The following RBFOX3 variants were observed in gnomAD, a reference collection of about 807,000 sequenced individuals.
The protein encoded by RBFOX3 is RNA binding protein fox-1 homolog 3.
In RBFOX3, 17 loss-of-function variants were observed where a neutral mutation model predicts 48.7. That is an observed-to-expected ratio of 0.35 (90% CI 0.24 to 0.52). The LOEUF (loss-of-function observed/expected upper bound fraction) is 0.52. Ranked by LOEUF, RBFOX3 falls within the 20% of genes least tolerant of loss-of-function variation. RBFOX3 has a pLI of 0.94. For synonymous variants in RBFOX3, 212 were observed against 209.5 expected, an observed-to-expected ratio of 1.01 and a Z score of -0.10; for missense variants, 382 against 497.5, an observed-to-expected ratio of 0.77 and a Z score of 2.21.
chr17:79,557,773 T>C (rs2091891775), intron 1 of RBFOX3, among the ~76,000 whole-genome samples: 1 of 152,100 alleles, frequency 6.6e-6, no homozygotes, highest in South Asian at 2.1e-4. Context: ...GGCGGGGGCA[T>C]CTCGTGGGAG....
chr17:79,100,537 T>A (rs1420085717), intron 9 of RBFOX3: 2 of 152,010 alleles, frequency 1.3e-5, no homozygotes, highest in Admixed American at 6.6e-5. Context: ...GATCGGGCGG[T>A]CCTGTCCAGG....
rs1004170730 is a variant in RBFOX3 at position 79,163,320 on chromosome 17, T to C, written c.-33-47572A>G. 3.3e-5 allele frequency among the ~76,000 whole-genome samples: 5 copies of C among 152,238 alleles called. No individual in the cohort carries two copies. In the South Asian group the frequency reaches 1.0e-3, roughly 32 times the overall value. On this transcript the variant is annotated intron_variant, in intron 4 of 14. Transcript: ENST00000693108. ...CAGGCCCGGGGCCTCACGGCCTCAG[T>C]GTTCTGAGGGTGTCAAGAGGGGAGG...
chr17:79,322,705 G>C (rs574195775), intron 2 of RBFOX3, among the ~76,000 whole-genome samples: 1 of 152,270 alleles, frequency 6.6e-6, no homozygotes, highest in African/African-American at 2.4e-5. Context: ...CAGCTTCTAG[G>C]GGTCTGGGAA....
rs144807059 is a variant in RBFOX3, at chr17:79,148,498, AC to A, written c.-33-32751del. On this transcript the variant is annotated intron_variant, in intron 4 of 14. Transcript: ENST00000693108. ...ACAGGAGGAGGGAGAAGCACCCCAC[AC>A]CCCCCCAGACCATGGTTCCAATCCT... Among the ~76,000 whole-genome samples the A allele has an allele frequency of 3.3e-5, 5 of 150,222 alleles. No homozygotes were observed. In the East Asian group the frequency reaches 5.9e-4, roughly 18 times the overall value.
At chr17:79,400,814 G>C (rs2062702862) in intron 2 of RBFOX3, among the ~76,000 whole-genome samples, 2 of 152,160 alleles carry the variant, frequency 1.3e-5, no homozygotes, top group African/African-American at 4.8e-5. Flanking sequence ...GAGGGTCTCT[G>C]CATCAGTCAG....
intron 2 of RBFOX3, among the ~76,000 whole-genome samples, chr17:79,430,825 G>A (rs1407676071): frequency 6.6e-6 from 1 of 152,154 alleles, no homozygotes; most frequent in African/African-American, 2.4e-5. Flanking sequence ...GATTACAGGC[G>A]TGAGCCACCA....
intron 1 of RBFOX3, among the ~76,000 whole-genome samples, chr17:79,577,907 C>T (rs1177938660): frequency 2.0e-5 from 3 of 152,236 alleles, no homozygotes; most frequent in Non-Finnish European, 4.4e-5. Flanking sequence ...GAGGGTGGCT[C>T]TGAACCACTG....
chr17:79,097,178 C>T (rs578180117), intron 11 of RBFOX3, 114 bp downstream of exon 11: 25 of 884,174 alleles, frequency 2.8e-5, no homozygotes, highest in Middle Eastern at 3.6e-4. Context: ...GATCCTCCCC[C>T]CCCCCAGGTC....
Position 79,166,746 on chromosome 17 carries a change from G to T in RBFOX3, c.-33-50998C>A, listed in dbSNP as rs528727011. 4.9e-4 allele frequency among the ~76,000 whole-genome samples: 74 copies of T among 152,320 alleles called. 1 individual carries two copies. Among genetic ancestry groups the T allele is most frequent in the African/African-American group, 1.7e-3 (69 of 41,576 alleles). On this transcript the variant is annotated intron_variant, in intron 4 of 14. Coordinates refer to ENST00000693108, the MANE Select transcript of RBFOX3 (RefSeq NM_001350451.2). ...GGGCTGGCCCCAGCCAGGTCAGAGT[G>T]CGGATGCCAGGCTGGGCTCAGTGGG...
intron 4 of RBFOX3, among the ~76,000 whole-genome samples, chr17:79,137,633 G>A (rs1870622): frequency 0.28 from 43,022 of 152,100 alleles, 7,123 homozygotes; most frequent in East Asian, 0.76. Context: ...AGCTGCTGGC[G>A]CCTGGCCTGG....
intron 5 of RBFOX3, among the ~76,000 whole-genome samples, chr17:79,113,606 G>A (rs2032862829): frequency 6.6e-6 from 1 of 152,154 alleles, no homozygotes; most frequent in South Asian, 2.1e-4. Context: ...ATAACTGGGT[G>A]GTGAGACTCC....
the RBFOX3 span, among the ~76,000 whole-genome samples, chr17:79,660,275 C>T: frequency 6.6e-6 from 1 of 152,206 alleles, no homozygotes; most frequent in East Asian, 1.9e-4. Context: ...ACACCGAAAG[C>T]AATCGCAACA....
intron 11 of RBFOX3, 114 bp downstream of exon 11, chr17:79,097,178 C>CT: frequency 2.3e-6 from 2 of 884,174 alleles, no homozygotes. Flanking sequence ...GATCCTCCCC[C>CT]CCCCCAGGTC....
At chr17:79,389,811 C>A (rs764210201) in intron 2 of RBFOX3, among the ~76,000 whole-genome samples, 13 of 152,254 alleles carry the variant, frequency 8.5e-5, no homozygotes, top group Non-Finnish European at 1.6e-4. Context: ...CAAAAGACAA[C>A]AGTTTAGAAT....
intron 3 of RBFOX3, among the ~76,000 whole-genome samples, chr17:79,245,038 C>A (rs1271780999): frequency 1.3e-5 from 2 of 149,140 alleles, no homozygotes; most frequent in African/African-American, 4.9e-5. Flanking sequence ...TTTCTCCCTC[C>A]CCTCCCCTTC....
chr17:79,356,262 G>A (rs1411976691), intron 2 of RBFOX3, among the ~76,000 whole-genome samples: 2 of 151,974 alleles, frequency 1.3e-5, no homozygotes, highest in African/African-American at 4.8e-5. Context: ...CGGGGTGGGG[G>A]AGAGAGGAGG....
intron 2 of RBFOX3, among the ~76,000 whole-genome samples, chr17:79,371,193 G>A (rs2058490610): frequency 6.6e-6 from 1 of 152,246 alleles, no homozygotes; most frequent in Admixed American, 6.5e-5. Context: ...GGGCCACAGT[G>A]GCGGCCCTGT....
At chr17:79,555,801 G>A (rs950800792) in intron 1 of RBFOX3, among the ~76,000 whole-genome samples, 26 of 150,958 alleles carry the variant, frequency 1.7e-4, no homozygotes, top group African/African-American at 3.9e-4. Context: ...TGGTGATGAC[G>A]GTGGTGATGG....
chr17:79,478,931 T>C (rs2078371902), intron 2 of RBFOX3, among the ~76,000 whole-genome samples: 1 of 152,158 alleles, frequency 6.6e-6, no homozygotes, highest in African/African-American at 2.4e-5. Flanking sequence ...GCAGAGGCAA[T>C]GAACCAGGGC....
Sources: gnomAD v4.1 joint callset for allele counts (sites outside exome capture counted in the v4.1 genomes callset) on GRCh38, gnomAD v4.1.1 for gene constraint, MANE v1.5 for transcripts, NCBI Gene and HGNC (gene_info 2026-07-23, HGNC 2026-07-21) for gene names.